Variants in LRRC4C observed in about 807,000 individuals in gnomAD.
LRRC4C encodes the protein leucine rich repeat containing 4C, also known as leucine-rich repeat-containing protein 4C.
A neutral mutation model predicts 33.6 loss-of-function variants in LRRC4C; 5 were observed. The ratio of observed to expected loss-of-function variants is 0.15; its 90% CI spans 0.08 to 0.31. The LOEUF is 0.31. Ranked by LOEUF, LRRC4C falls within the 10% of genes least tolerant of loss-of-function variation. The pLI is 1.00. For synonymous variants in LRRC4C, 329 were observed against 302.0 expected (o/e 1.09, Z -0.93); for missense variants, 560 against 796.7 (o/e 0.70, Z 3.58).
intron 3 of LRRC4C, among the ~76,000 whole-genome samples, chr11:40,535,053 G>T (rs1170409101): frequency 1.3e-5 from 2 of 152,064 alleles, no homozygotes; most frequent in South Asian, 2.1e-4. Context: ...ACAAATGGTA[G>T]AGGAAAAAAA....
chr11:41,231,865 C>A (rs1947817025), intron 1 of LRRC4C, among the ~76,000 whole-genome samples: 1 of 151,236 alleles, frequency 6.6e-6, no homozygotes, highest in Non-Finnish European at 1.5e-5. Flanking sequence ...AGTAACTAGT[C>A]CATACTTTTG....
chr11:40,231,850 G>A (rs1865222384), intron 5 of LRRC4C, among the ~76,000 whole-genome samples: 1 of 152,166 alleles, frequency 6.6e-6, no homozygotes, highest in Non-Finnish European at 1.5e-5. Flanking sequence ...AACACTGAAA[G>A]TTTTGTATCT....
chr11:40,304,397 C>T (rs957185105), intron 4 of LRRC4C, among the ~76,000 whole-genome samples: 6 of 152,136 alleles, frequency 3.9e-5, no homozygotes, highest in Non-Finnish European at 7.3e-5. Context: ...TAACATAATA[C>T]GTAGATTAAT....
intron 1 of LRRC4C, among the ~76,000 whole-genome samples, chr11:41,448,122 G>GTTTTTTTTTTTTTTTTCTTTTTTTTT (rs1955889352): frequency 2.1e-5 from 1 of 46,948 alleles, no homozygotes; most frequent in African/African-American, 7.7e-5. Context: ...GCACACGTCT[G>GTTTTTTTTTTTTTTTTCTTTTTTTTT]TTTTTTTTTT....
At chr11:40,931,072 C>T (rs1409655270) in intron 2 of LRRC4C, among the ~76,000 whole-genome samples, 1 of 152,076 alleles carries the variant, frequency 6.6e-6, no homozygotes, top group East Asian at 1.9e-4. Flanking sequence ...GAAACAGTGT[C>T]CCAGAAGAGT....
chr11:40,926,964 C>T (rs1055607907), intron 2 of LRRC4C, among the ~76,000 whole-genome samples: 1 of 152,066 alleles, frequency 6.6e-6, no homozygotes, highest in Non-Finnish European at 1.5e-5. Context: ...TATTTATTTC[C>T]TGATATTTCC....
chr11:41,292,033 G>A (rs532693858), intron 1 of LRRC4C, among the ~76,000 whole-genome samples: 2 of 152,102 alleles, frequency 1.3e-5, no homozygotes, highest in South Asian at 2.1e-4. Flanking sequence ...GAACCAGGTT[G>A]TGGAAGATTC....
chr11:40,160,100 A>G (rs1305974936), intron 5 of LRRC4C, among the ~76,000 whole-genome samples: 1 of 152,168 alleles, frequency 6.6e-6, no homozygotes, highest in Non-Finnish European at 1.5e-5. Flanking sequence ...TGCATTTACA[A>G]TGGAGGTGGT....
rs567885749 is a variant in LRRC4C, at chr11:40,948,900, G to C, written c.-495-15177C>G. On this transcript the variant is annotated intron_variant, in intron 1 of 6. Coordinates refer to ENST00000528697, the MANE Select transcript of LRRC4C (RefSeq NM_001258419.2). ...ATATACCCAGTAATGGGATGGCTGGGTCAAATGGTATTTCTAGTTCTAGAT... is the reference window on the plus strand; with the variant it reads ...ATATACCCAGTAATGGGATGGCTGGCTCAAATGGTATTTCTAGTTCTAGAT... Among the ~76,000 whole-genome samples, 87 of 152,094 alleles carry C rather than the reference G, an allele frequency of 5.7e-4. 2 individuals carry two copies. The East Asian group carries it at 0.012, about 21-fold the overall frequency.
At chr11:40,551,335 A>T (rs1446937668) in intron 3 of LRRC4C, among the ~76,000 whole-genome samples, 1 of 136,666 alleles carries the variant, frequency 7.3e-6, no homozygotes, top group Middle Eastern at 3.6e-3. Context: ...TGGTTGCATG[A>T]GATCATTTCA....
intron 2 of LRRC4C, among the ~76,000 whole-genome samples, chr11:40,804,812 T>C (rs1292907709): frequency 6.6e-6 from 1 of 152,222 alleles, no homozygotes; most frequent in Non-Finnish European, 1.5e-5. Context: ...AAAACTCTTA[T>C]GTAGAGAAAC....
chr11:40,619,487 T>C (rs1426669075), intron 3 of LRRC4C, among the ~76,000 whole-genome samples: 1 of 151,746 alleles, frequency 6.6e-6, no homozygotes, highest in Non-Finnish European at 1.5e-5. Context: ...TCATTTTCCT[T>C]GTCAACTGAC....
chr11:41,109,967 C>T (rs942522557), intron 1 of LRRC4C, among the ~76,000 whole-genome samples: 1 of 151,940 alleles, frequency 6.6e-6, no homozygotes, highest in Non-Finnish European at 1.5e-5. Context: ...TCTACAACAG[C>T]GTGTACCAAA....
intron 2 of LRRC4C, among the ~76,000 whole-genome samples, chr11:40,811,114 T>C (rs551196837): frequency 6.6e-6 from 1 of 152,316 alleles, no homozygotes; most frequent in East Asian, 1.9e-4. Flanking sequence ...TTAATTGTGT[T>C]CTTCCTTCAT....
chr11:40,129,551 C>T (rs1006390994), intron 6 of LRRC4C, among the ~76,000 whole-genome samples: 1 of 152,160 alleles, frequency 6.6e-6, no homozygotes, highest in Non-Finnish European at 1.5e-5. Context: ...TGATTTGCTT[C>T]TTCCCACCTA....
At chr11:40,767,500 A>T (rs559811050) in intron 2 of LRRC4C, among the ~76,000 whole-genome samples, 65 of 152,276 alleles carry the variant, frequency 4.3e-4, no homozygotes, top group African/African-American at 1.5e-3. Flanking sequence ...AGAAGGTTTT[A>T]TTCATTAGCT....
intron 2 of LRRC4C, among the ~76,000 whole-genome samples, chr11:40,857,930 G>T (rs1342401047): frequency 7.6e-6 from 1 of 132,356 alleles, no homozygotes; most frequent in Non-Finnish European, 1.6e-5. Flanking sequence ...AGAAAGAAAA[G>T]GAGAAAGGAA....
chr11:41,260,851 C>A (rs115110018), intron 1 of LRRC4C, among the ~76,000 whole-genome samples: 1 of 151,974 alleles, frequency 6.6e-6, no homozygotes. Context: ...AGTTTCAATG[C>A]AGAAGCCCAA....
chr11:41,184,716 G>T (rs1247847066), intron 1 of LRRC4C, among the ~76,000 whole-genome samples: 2 of 151,678 alleles, frequency 1.3e-5, no homozygotes, highest in Admixed American at 6.6e-5. Context: ...CACATTTTCG[G>T]GTATCTTTTC....
Sources: allele counts gnomAD v4.1 joint callset (sites outside exome capture counted in the v4.1 genomes callset), GRCh38; gene constraint gnomAD v4.1.1; transcripts MANE v1.5; gene names NCBI Gene and HGNC (gene_info 2026-07-23, HGNC 2026-07-21).